ROR2: variants seen among roughly 807,000 people sequenced by gnomAD.
The protein encoded by ROR2 is ROR family WNT receptor 2.
ROR2 carries 33 observed loss-of-function variants against 74.9 expected under a neutral mutation model. That is an observed-to-expected ratio of 0.44 (90% CI 0.33 to 0.59). The LOEUF is 0.59. Ranked by LOEUF, ROR2 falls within the 20% of genes least tolerant of loss-of-function variation. The pLI, the probability that ROR2 is intolerant of heterozygous loss-of-function variation, is 0.02. For synonymous variants in ROR2, 586 were observed against 558.7 expected (o/e 1.05, Z -0.69); for missense variants, 1,216 against 1,313.8 (o/e 0.93, Z 1.15).
intron 1 of ROR2, among the ~76,000 whole-genome samples, chr9:91,899,514 G>A (rs62565678): frequency 0.24 from 35,763 of 152,066 alleles, 4,851 homozygotes; most frequent in Admixed American, 0.42. Flanking sequence ...GGGGTAAAGA[G>A]GTATAGGCAG....
At chr9:91,853,929 T>G (rs796361367) in intron 1 of ROR2, among the ~76,000 whole-genome samples, 7 of 152,180 alleles carry the variant, frequency 4.6e-5, no homozygotes, top group African/African-American at 1.4e-4. Context: ...TTGGCCAATA[T>G]CTGTAATATT....
intron 1 of ROR2, among the ~76,000 whole-genome samples, chr9:91,855,389 G>A (rs1587787321): frequency 6.6e-6 from 1 of 152,258 alleles, no homozygotes. Context: ...TCAGGGCACG[G>A]CGTTCGGCCC....
At chr9:91,875,899 G>A (rs560371823) in intron 1 of ROR2, among the ~76,000 whole-genome samples, 6 of 152,252 alleles carry the variant, frequency 3.9e-5, no homozygotes, top group African/African-American at 1.4e-4. Context: ...AGGTTCATCA[G>A]AAAGCAAGGT....
intron 4 of ROR2, among the ~76,000 whole-genome samples, chr9:91,744,208 G>C (rs375178639): frequency 1.0e-5 from 1 of 96,982 alleles, no homozygotes; most frequent in Non-Finnish European, 2.0e-5. Context: ...ACAGAAATTT[G>C]TTAACTTTTT....
intron 1 of ROR2, among the ~76,000 whole-genome samples, chr9:91,798,260 C>T (rs1326200110): frequency 9.7e-5 from 10 of 102,794 alleles, no homozygotes; most frequent in South Asian, 4.0e-4. Context: ...ATTCTGTGGG[C>T]GGGGCTGACA....
At chr9:91,875,154 G>A (rs955250762) in intron 1 of ROR2, among the ~76,000 whole-genome samples, 4 of 152,238 alleles carry the variant, frequency 2.6e-5, no homozygotes, top group Non-Finnish European at 5.9e-5. Flanking sequence ...GGATCAGAGA[G>A]TGAGCAGACT....
intron 1 of ROR2, among the ~76,000 whole-genome samples, chr9:91,823,178 T>C (rs1828184930): frequency 3.3e-5 from 5 of 152,144 alleles, no homozygotes; most frequent in Admixed American, 3.3e-4. Context: ...CAAGTAACCA[T>C]TAGACGATAT....
intron 2 of ROR2, among the ~76,000 whole-genome samples, chr9:91,768,601 G>GA (rs1826130607): frequency 6.6e-6 from 1 of 152,194 alleles, no homozygotes; most frequent in African/African-American, 2.4e-5. Flanking sequence ...CCACCATAGG[G>GA]ACGCCACCCC....
chr9:91,930,329 C>T (rs939682291), intron 1 of ROR2, among the ~76,000 whole-genome samples: 1 of 152,230 alleles, frequency 6.6e-6, no homozygotes, highest in Non-Finnish European at 1.5e-5. Context: ...GTAAACTACT[C>T]CTACTTTCCC....
chr9:91,910,663 T>A (rs76148160), intron 1 of ROR2, among the ~76,000 whole-genome samples: 2,657 of 146,692 alleles, frequency 0.018, 86 homozygotes, highest in African/African-American at 0.069. Context: ...ATAAAATATG[T>A]AATACTTTTT....
chr9:91,853,435 G>A (rs370774849), intron 1 of ROR2, among the ~76,000 whole-genome samples: 13 of 152,198 alleles, frequency 8.5e-5, no homozygotes, highest in African/African-American at 3.1e-4. Context: ...CGGGAGGTGT[G>A]GCTCCACATA....
intron 1 of ROR2, among the ~76,000 whole-genome samples, chr9:91,947,665 T>A (rs1287454154): frequency 6.6e-6 from 1 of 152,150 alleles, no homozygotes; most frequent in Non-Finnish European, 1.5e-5. Context: ...CTACCCTACC[T>A]AGGATTGGTA....
intron 1 of ROR2, among the ~76,000 whole-genome samples, chr9:91,881,649 C>A (rs188306351): frequency 1.3e-5 from 2 of 152,220 alleles, no homozygotes; most frequent in Admixed American, 1.3e-4. Flanking sequence ...TAAATACTGA[C>A]ATACATGTAT....
At chr9:91,915,735 C>T (rs543365391) in intron 1 of ROR2, among the ~76,000 whole-genome samples, 3 of 152,286 alleles carry the variant, frequency 2.0e-5, no homozygotes, top group Admixed American at 1.3e-4. Flanking sequence ...AAACCTCTAG[C>T]TAACCACAGA....
chr9:91,785,523 T>C (rs930818097), intron 1 of ROR2, among the ~76,000 whole-genome samples: 3 of 152,256 alleles, frequency 2.0e-5, no homozygotes, highest in Admixed American at 1.3e-4. Context: ...CAAGATGCAC[T>C]AGGCACTCGA....
chr9:91,796,556 T>A (rs1377727289), intron 1 of ROR2, among the ~76,000 whole-genome samples: 1 of 152,180 alleles, frequency 6.6e-6, no homozygotes, highest in Non-Finnish European at 1.5e-5. Context: ...GTAGTTGTGA[T>A]AATGTCTATT....
intron 1 of ROR2, among the ~76,000 whole-genome samples, chr9:91,780,699 G>A (rs945569013): frequency 7.2e-5 from 11 of 152,200 alleles, no homozygotes; most frequent in South Asian, 6.2e-4. Flanking sequence ...GCTGAGGCAG[G>A]AGAATCACTT....
chr9:91,823,880 A>G (rs1197624391), intron 1 of ROR2, among the ~76,000 whole-genome samples: 2 of 152,224 alleles, frequency 1.3e-5, no homozygotes, highest in Non-Finnish European at 2.9e-5. Context: ...TCAATCTCCT[A>G]AATTTCTCTG....
chr9:91,849,264 T>A (rs1026092425), intron 1 of ROR2, among the ~76,000 whole-genome samples: 2 of 152,172 alleles, frequency 1.3e-5, no homozygotes, highest in African/African-American at 4.8e-5. Context: ...CTTTTCTTGA[T>A]TTCAACATGG....
Sources: allele counts gnomAD v4.1 joint callset (sites outside exome capture counted in the v4.1 genomes callset), GRCh38; gene constraint gnomAD v4.1.1; transcripts MANE v1.5; gene names NCBI Gene and HGNC (gene_info 2026-07-23, HGNC 2026-07-21).